TCTN3: variants seen among roughly 807,000 people sequenced by gnomAD.
TCTN3 encodes the protein tectonic family member 3.
A neutral mutation model predicts 71.3 loss-of-function variants in TCTN3; 57 were observed. The observed-to-expected ratio is 0.80, with a 90% CI of 0.65 to 1.00. The LOEUF is 1.00. Ranked by LOEUF, TCTN3 falls within the 50% of genes least tolerant of loss-of-function variation. The pLI is 0.00. For missense variants in TCTN3, 696 were observed against 719.9 expected (o/e 0.97, Z 0.38); for synonymous variants, 258 against 267.8 (o/e 0.96, Z 0.36).
rs1323731674 is a variant in TCTN3 at position 95,671,947 on chromosome 10, G to A, written c.1591-7647C>T. Among the ~76,000 whole-genome samples the A allele has an allele frequency of 3.9e-5, 6 of 151,980 alleles. No individual in the cohort carries two copies. The East Asian group carries it at 5.8e-4, about 15-fold the overall frequency. On this transcript the variant is annotated intron_variant, in intron 13 of 13. Transcript: ENST00000371217. ...GTTTGGTTTTAATATTTTTGTTGAG[G>A]TATAATTTATAAACAATAAAATATA...
intron 13 of TCTN3, among the ~76,000 whole-genome samples, chr10:95,677,010 A>G (rs2097937792): frequency 1.3e-5 from 2 of 152,196 alleles, no homozygotes; most frequent in Non-Finnish European, 2.9e-5. Flanking sequence ...ACTGCAGACA[A>G]TGGATCTCCT....
Position 95,684,527 on chromosome 10 carries a change from A to G in TCTN3, c.1067T>C (p.Leu356Ser), listed in dbSNP as rs776806156. The G allele has an allele frequency of 6.2e-7, 1 of 1,614,062 alleles. No homozygotes were observed. The highest frequency in any genetic ancestry group is 1.1e-5 in the South Asian group (1 of 91,082). Reference protein sequence around the residue: ...TNLTVEPGASLQQHFILRFRA... With the variant: ...TNLTVEPGASSQQHFILRFRA... Reference sequence around the variant, plus strand: ...GAAGCGAAGGATGAAGTGTTGCTGTAAGGAAGCGCCTGGCTCAACAGTCAG... The same window carrying G: ...GAAGCGAAGGATGAAGTGTTGCTGTGAGGAAGCGCCTGGCTCAACAGTCAG... The change falls in exon 9 of 14, where the codon TTA (leucine) becomes TCA (serine). Residue 356 changes from leucine (L) to serine (S), a missense_variant. Coordinates refer to ENST00000371217, the MANE Select transcript of TCTN3 (RefSeq NM_015631.6).
chr10:95,693,404 TAGC>T lies in TCTN3; in HGVS notation c.326_328del (p.Cys109del). ...GAAAACTGTCCTCGGATGGAGAAGA[TAGC>T]AGTCCCTGTCGCAGCAGCAATTTAT... On this transcript the variant is annotated inframe_deletion, in exon 2 of 14. Coordinates refer to ENST00000371217, the MANE Select transcript of TCTN3 (RefSeq NM_015631.6). The T allele has an allele frequency of 6.4e-7, 1 of 1,551,944 alleles. No homozygotes were observed. Among genetic ancestry groups the T allele is most frequent in the Non-Finnish European group, 8.7e-7 (1 of 1,147,040 alleles).
At chr10:95,682,535 T>C (rs1181813478) in intron 12 of TCTN3, 116 bp downstream of exon 12, 2 of 1,261,174 alleles carry the variant, frequency 1.6e-6, no homozygotes, top group Admixed American at 2.6e-5. Context: ...TCTTATACTC[T>C]TCCTTCTATG....
At chr10:95,667,365 G>A (rs1689300410) in intron 13 of TCTN3, among the ~76,000 whole-genome samples, 1 of 152,110 alleles carries the variant, frequency 6.6e-6, no homozygotes, top group Non-Finnish European at 1.5e-5. Flanking sequence ...ATCATAATAT[G>A]CAAAAACAGA....
chr10:95,678,838 A>C (rs185119998), intron 13 of TCTN3, among the ~76,000 whole-genome samples: 102 of 152,280 alleles, frequency 6.7e-4, no homozygotes, highest in Non-Finnish European at 1.2e-3. Flanking sequence ...ATCATTTTAT[A>C]ACTCCTTATA....
chr10:95,687,374 A>C lies in TCTN3; in HGVS notation c.628-19T>G. ...CCCCAGCCTGAATAAAATATAAAAGAAACTTTGTTCACAGTGAGACTGGAC... is the reference window on the plus strand; with the variant it reads ...CCCCAGCCTGAATAAAATATAAAAGCAACTTTGTTCACAGTGAGACTGGAC... On this transcript the variant is annotated intron_variant, in intron 4 of 13. Coordinates refer to ENST00000371217, the MANE Select transcript of TCTN3 (RefSeq NM_015631.6). 1 of 1,588,758 alleles carries C rather than the reference A, an allele frequency of 6.3e-7. No homozygotes were observed. The highest frequency in any genetic ancestry group is 2.2e-5 in the East Asian group (1 of 44,652).
chr10:95,674,766 TATTTA>T (rs1459596503), intron 13 of TCTN3, among the ~76,000 whole-genome samples: 6 of 152,298 alleles, frequency 3.9e-5, no homozygotes, highest in African/African-American at 1.4e-4. Flanking sequence ...TGTTAGACTT[TATTTA>T]ATAAAGCATA....
intron 13 of TCTN3, among the ~76,000 whole-genome samples, chr10:95,677,571 A>C (rs1458727350): frequency 7.7e-6 from 1 of 130,636 alleles, no homozygotes; most frequent in Non-Finnish European, 1.6e-5. Flanking sequence ...TTCACTTTTT[A>C]TAGAAAGAGG....
Position 95,693,919 on chromosome 10 carries a change from G to A in TCTN3, c.-20C>T. The A allele has an allele frequency of 6.4e-7, 1 of 1,551,548 alleles. No individual in the cohort carries two copies. The highest frequency in any genetic ancestry group is 8.7e-7 in the Non-Finnish European group (1 of 1,146,988). ...GCGCATGGGGCATTCAGGGCCTCCG[G>A]GTCCGACGTAGGCCTCCGCGGTCTC... On this transcript the variant is annotated 5_prime_UTR_variant, in exon 1 of 14. Transcript: ENST00000371217.
chr10:95,664,277 T>G lies in TCTN3; in HGVS notation c.1614A>C (p.Val538=). ...SIQDSQQVTE[V]SLTTLVNFVD... ...CAAAGTTCACAAGAGTTGTCAAAGA[T>G]ACTTCTGTAACTTGCTGAGAATCCT... Residue 538 remains valine (V), a synonymous_variant, in exon 14 of 14, where the codon GTA becomes GTC. Coordinates refer to ENST00000371217, the MANE Select transcript of TCTN3 (RefSeq NM_015631.6). The G allele has an allele frequency of 6.2e-7, 1 of 1,614,074 alleles. No homozygotes were observed. Among genetic ancestry groups the G allele is most frequent in the Non-Finnish European group, 8.5e-7 (1 of 1,179,924 alleles).
Position 95,672,802 on chromosome 10 carries a change from C to T in TCTN3, c.1590+7670G>A, listed in dbSNP as rs189270179. On this transcript the variant is annotated intron_variant, in intron 13 of 13. Coordinates refer to ENST00000371217, the MANE Select transcript of TCTN3 (RefSeq NM_015631.6). ...CTGCCTCCCAGGTTCAAGCAATTCT[C>T]GTGCCTCAGCCTCTGAAGTAGTTGG... Among the ~76,000 whole-genome samples, 26 of 149,422 alleles carry T rather than the reference C, an allele frequency of 1.7e-4. No homozygotes were observed. In the East Asian group the frequency reaches 4.4e-3, roughly 25 times the overall value.
At chr10:95,667,170 C>T (rs2097926477) in intron 13 of TCTN3, among the ~76,000 whole-genome samples, 1 of 152,120 alleles carries the variant, frequency 6.6e-6, no homozygotes, top group African/African-American at 2.4e-5. Context: ...AGAAACCCCA[C>T]ATGACAAAAA....
At chr10:95,688,397 G>GAAAAAAAAAAAA (rs60722894) in intron 3 of TCTN3, among the ~76,000 whole-genome samples, 14 of 104,570 alleles carry the variant, frequency 1.3e-4, no homozygotes, top group South Asian at 3.1e-4. Flanking sequence ...TCAAAAAAAA[G>GAAAAAAAAAAAA]AAAAAAAAAA....
In TCTN3 at chr10:95,687,633, T is replaced by C. The variant is rs915256824; in HGVS notation, c.586A>G (p.Thr196Ala). ...GGTGATTGAGTTTGGAATGTTGAAG[T>C]GAATGATTCGCCTCCAAACTCTGCA... ...LAAEFGGESF[T>A]STFQTQSPPS... Residue 196 changes from threonine to alanine, a missense_variant, in exon 4 of 14, where the codon ACT (threonine) becomes GCT (alanine). Physicochemically the swap from Thr to Ala is moderately conservative, Grantham distance 58. Transcript: ENST00000371217. 6.2e-7 allele frequency: 1 copy of C among 1,614,222 alleles called. No homozygotes were observed. Among genetic ancestry groups the C allele is most frequent in the Non-Finnish European group, 8.5e-7 (1 of 1,180,018 alleles).
At chr10:95,690,789 A>G (rs1219937905) in intron 3 of TCTN3, among the ~76,000 whole-genome samples, 1 of 152,234 alleles carries the variant, frequency 6.6e-6, no homozygotes, top group Non-Finnish European at 1.5e-5. Flanking sequence ...GGAAAGATTT[A>G]TCTAGTGAAA....
chr10:95,666,010 G>A (rs982265934), intron 13 of TCTN3, among the ~76,000 whole-genome samples: 10 of 150,952 alleles, frequency 6.6e-5, no homozygotes, highest in Non-Finnish European at 1.5e-4. Flanking sequence ...GCGTGATCTC[G>A]GCTCACTGCA....
chr10:95,679,477 G>A (rs1384500552), intron 13 of TCTN3, among the ~76,000 whole-genome samples: 2 of 151,182 alleles, frequency 1.3e-5, no homozygotes, highest in East Asian at 3.9e-4. Flanking sequence ...TGGGATGTAA[G>A]TACAGTGCAA....
intron 9 of TCTN3, 61 bp from the exon 10 acceptor site, chr10:95,683,690 G>C: frequency 3.4e-6 from 5 of 1,461,524 alleles, no homozygotes; most frequent in Non-Finnish European, 4.7e-6. Flanking sequence ...ACCTCCCACT[G>C]CTTGGCTTCA....
Sources: allele counts gnomAD v4.1 joint callset (sites outside exome capture counted in the v4.1 genomes callset), GRCh38; gene constraint gnomAD v4.1.1; transcripts MANE v1.5; gene names NCBI Gene and HGNC (gene_info 2026-07-23, HGNC 2026-07-21).